The following CCSER1 variants were observed in gnomAD, a reference collection of about 807,000 sequenced individuals.
The protein encoded by CCSER1 is serine-rich coiled-coil domain-containing protein 1.
In CCSER1, 41 loss-of-function variants were observed where a neutral mutation model predicts 82.0. The ratio of observed to expected loss-of-function variants is 0.50; its 90% CI spans 0.39 to 0.65. The LOEUF is 0.65. Among genes scored for constraint, CCSER1 ranks in the 30% least tolerant of loss-of-function variants. CCSER1 has a pLI of 0.00. For missense variants in CCSER1, 1,119 were observed against 1,064.2 expected (o/e 1.05, Z -0.72); for synonymous variants, 414 against 383.9 (o/e 1.08, Z -0.92).
At chr4:91,043,311 A>G (rs899424828) in intron 9 of CCSER1, among the ~76,000 whole-genome samples, 2 of 152,086 alleles carry the variant, frequency 1.3e-5, no homozygotes, top group East Asian at 1.9e-4. Context: ...TATTCTTTAG[A>G]AGGTTGAAAG....
At chr4:91,334,955 G>A (rs1008694684) in intron 10 of CCSER1, among the ~76,000 whole-genome samples, 24 of 152,070 alleles carry the variant, frequency 1.6e-4, no homozygotes, top group African/African-American at 5.8e-4. Flanking sequence ...TTTGTGTGTT[G>A]AATTCTGCCT....
At chr4:91,146,122 T>A (rs537553718) in intron 10 of CCSER1, among the ~76,000 whole-genome samples, 70 of 152,342 alleles carry the variant, frequency 4.6e-4, no homozygotes, top group Middle Eastern at 6.8e-3. Flanking sequence ...GTTCATTTTT[T>A]AAAATTATTA....
At chr4:90,712,391 T>G (rs892929390) in intron 6 of CCSER1, among the ~76,000 whole-genome samples, 1 of 152,108 alleles carries the variant, frequency 6.6e-6, no homozygotes. Flanking sequence ...TTCCTTAATT[T>G]TATTATTTAC....
intron 3 of CCSER1, among the ~76,000 whole-genome samples, chr4:90,329,964 A>G (rs1469322752): frequency 2.0e-5 from 3 of 152,162 alleles, no homozygotes; most frequent in African/African-American, 7.2e-5. Context: ...TCTTTTGTCA[A>G]ATTTTAAGGT....
At position 90,396,724 on chromosome 4, in the gene CCSER1, A is replaced by G. The variant is rs1336414072; in HGVS notation, c.1510-3312A>G. On this transcript the variant is annotated intron_variant, in intron 3 of 10. Transcript: ENST00000509176. ...TATCTAGCTTTTGAAAACAGCCACTAATTTTTTTCTTAGGTGAATTTTGTT... is the reference window on the plus strand; with the variant it reads ...TATCTAGCTTTTGAAAACAGCCACTGATTTTTTTCTTAGGTGAATTTTGTT... Among the ~76,000 whole-genome samples the G allele has an allele frequency of 2.0e-5, 3 of 152,026 alleles. No homozygotes were observed. The East Asian group carries it at 5.8e-4, about 29-fold the overall frequency.
intron 10 of CCSER1, among the ~76,000 whole-genome samples, chr4:91,528,397 C>A (rs1760871365): frequency 6.6e-6 from 1 of 152,078 alleles, no homozygotes; most frequent in East Asian, 1.9e-4. Context: ...GTATTATCAA[C>A]ATACAGCTAA....
At chr4:91,481,192 G>A (rs1430874278) in intron 10 of CCSER1, among the ~76,000 whole-genome samples, 2 of 151,178 alleles carry the variant, frequency 1.3e-5, no homozygotes, top group African/African-American at 4.9e-5. Flanking sequence ...TGCTGTATTA[G>A]TTTGCCAGGG....
chr4:90,461,561 C>T (rs1025509831), intron 4 of CCSER1, among the ~76,000 whole-genome samples: 1 of 152,216 alleles, frequency 6.6e-6, no homozygotes, highest in East Asian at 1.9e-4. Context: ...CTTGTCTAGG[C>T]CCCAATCACA....
intron 1 of CCSER1, among the ~76,000 whole-genome samples, chr4:90,219,837 G>C (rs1741791239): frequency 6.6e-6 from 1 of 152,162 alleles, no homozygotes; most frequent in Non-Finnish European, 1.5e-5. Flanking sequence ...CTAGAACTCT[G>C]AGTCTTTAGA....
intron 5 of CCSER1, 76 bp downstream of exon 5, chr4:90,468,430 A>C: frequency 1.6e-6 from 2 of 1,289,448 alleles, no homozygotes; most frequent in South Asian, 3.2e-5. Flanking sequence ...ATTTATAATA[A>C]ATGTGTTAAT....
intron 10 of CCSER1, among the ~76,000 whole-genome samples, chr4:91,317,619 C>CGTGTGTGTGTGTGTGT (rs1431588946): frequency 6.6e-6 from 1 of 151,160 alleles, no homozygotes; most frequent in African/African-American, 2.4e-5. Flanking sequence ...TGTGTGTGTG[C>CGTGTGTGTGTGTGTGT]GCATGTGGGT....
At chr4:91,429,510 A>G (rs2149391598) in intron 10 of CCSER1, among the ~76,000 whole-genome samples, 1 of 152,068 alleles carries the variant, frequency 6.6e-6, no homozygotes, top group Non-Finnish European at 1.5e-5. Flanking sequence ...TCACCTAAAT[A>G]TACTATTTAT....
intron 3 of CCSER1, among the ~76,000 whole-genome samples, chr4:90,315,420 T>G (rs1736005099): frequency 6.6e-6 from 1 of 152,216 alleles, no homozygotes; most frequent in Non-Finnish European, 1.5e-5. Context: ...TACCAAAAAC[T>G]ACTTCACGAT....
chr4:91,377,459 G>A lies in CCSER1; in HGVS notation c.2218-221113G>A, dbSNP rs979575378. Among the ~76,000 whole-genome samples the A allele has an allele frequency of 2.6e-5, 4 of 152,250 alleles. No homozygotes were observed. The East Asian group carries it at 7.7e-4, about 29-fold the overall frequency. ...TCACCATTCTAACTGGTGTGAGATG[G>A]TATCTCATTGTGGTTTTGATTTGCA... On this transcript the variant is annotated intron_variant, in intron 10 of 10. Coordinates refer to ENST00000509176, the MANE Select transcript of CCSER1 (RefSeq NM_001145065.2).
At chr4:91,023,413 A>C (rs1217840365) in intron 9 of CCSER1, among the ~76,000 whole-genome samples, 2 of 152,208 alleles carry the variant, frequency 1.3e-5, no homozygotes, top group Non-Finnish European at 2.9e-5. Flanking sequence ...ACTATACTAC[A>C]AGGCTACAGT....
chr4:91,487,103 C>G (rs993378222), intron 10 of CCSER1, among the ~76,000 whole-genome samples: 1 of 152,022 alleles, frequency 6.6e-6, no homozygotes, highest in South Asian at 2.1e-4. Context: ...ATCAGCACAG[C>G]TTCTTACAAA....
At chr4:90,294,800 C>T (rs1291048481) in intron 1 of CCSER1, among the ~76,000 whole-genome samples, 1 of 151,874 alleles carries the variant, frequency 6.6e-6, no homozygotes, top group East Asian at 1.9e-4. Flanking sequence ...TTCAAAGGCC[C>T]TCTTTAAGGG....
Position 90,847,652 on chromosome 4 carries a change from G to A in CCSER1, c.2094+31807G>A, listed in dbSNP as rs146150599. Among the ~76,000 whole-genome samples the A allele has an allele frequency of 6.1e-3, 923 of 151,964 alleles. 13 individuals are homozygous for A. Among genetic ancestry groups the A allele is most frequent in the African/African-American group, 0.021 (886 of 41,462 alleles). On this transcript the variant is annotated intron_variant, in intron 8 of 10. Transcript: ENST00000509176. The stretch of plus-strand genomic sequence containing the variant: ...CTTAGGTTGTCAGATTTTAAACGTC[G>A]ACTTAGGTATACTTTAAAAAACAAG...
At chr4:90,847,251 G>T (rs897041802) in intron 8 of CCSER1, among the ~76,000 whole-genome samples, 1 of 152,120 alleles carries the variant, frequency 6.6e-6, no homozygotes, top group Admixed American at 6.6e-5. Flanking sequence ...GTAAAAAAAT[G>T]ATTTCCATTC....
Sources: allele counts gnomAD v4.1 joint callset (sites outside exome capture counted in the v4.1 genomes callset), GRCh38; gene constraint gnomAD v4.1.1; transcripts MANE v1.5; gene names NCBI Gene and HGNC (gene_info 2026-07-23, HGNC 2026-07-21).